The following ZNF704 variants were observed in gnomAD, a reference collection of about 807,000 sequenced individuals.
ZNF704 encodes the protein zinc finger protein 704.
ZNF704 carries 10 observed loss-of-function variants against 44.7 expected under a neutral mutation model. That is an observed-to-expected ratio of 0.22 (90% CI 0.14 to 0.38). The LOEUF (loss-of-function observed/expected upper bound fraction) is 0.38, where lower values mean the gene tolerates loss of function less well. ZNF704 is among the 10% of genes least tolerant of loss of function. The pLI is 1.00. For missense variants in ZNF704, 390 were observed against 545.5 expected (o/e 0.71, Z 2.84); for synonymous variants, 211 against 207.6 (o/e 1.02, Z -0.14).
chr8:80,760,767 T>C (rs913736016), intron 2 of ZNF704, among the ~76,000 whole-genome samples: 1 of 151,850 alleles, frequency 6.6e-6, no homozygotes, highest in African/African-American at 2.4e-5. Context: ...CTGCAGGCTG[T>C]ACAGGAAACA....
intron 8 of ZNF704, among the ~76,000 whole-genome samples, chr8:80,642,159 A>G (rs560386636): frequency 6.6e-6 from 1 of 152,332 alleles, no homozygotes; most frequent in Admixed American, 6.5e-5. Flanking sequence ...TGCAAATAGT[A>G]CAAACCCTAT....
At chr8:80,720,081 C>T (rs773305408) in intron 2 of ZNF704, among the ~76,000 whole-genome samples, 1 of 152,236 alleles carries the variant, frequency 6.6e-6, no homozygotes, top group Non-Finnish European at 1.5e-5. Context: ...AGTCTGTCTG[C>T]CTGCCTCTAA....
Position 80,641,148 on chromosome 8 carries a change from C to T in ZNF704, c.*218G>A, listed in dbSNP as rs754323952. ...GGAAAAAAAACTAGTTATAGCTGCTCCAAGCTGGGTTCTCAGTAAGAGCAA... is the reference window on the plus strand; with the variant it reads ...GGAAAAAAAACTAGTTATAGCTGCTTCAAGCTGGGTTCTCAGTAAGAGCAA... On this transcript the variant is annotated 3_prime_UTR_variant, in exon 9 of 9. Coordinates refer to ENST00000327835, the MANE Select transcript of ZNF704 (RefSeq NM_001033723.3). 1.3e-5 allele frequency: 5 copies of T among 378,626 alleles called. No homozygotes were observed. Among genetic ancestry groups the T allele is most frequent in the Non-Finnish European group, 9.4e-6 (2 of 212,486 alleles). 23.5% of individuals were successfully genotyped at this position (378,626 alleles called of 1,614,324 possible).
At chr8:80,788,795 C>CT (rs914983235) in intron 2 of ZNF704, among the ~76,000 whole-genome samples, 3 of 152,112 alleles carry the variant, frequency 2.0e-5, no homozygotes, top group Admixed American at 6.6e-5. Flanking sequence ...TTAAGCCACT[C>CT]TTTAGTCAGG....
At chr8:80,649,912 C>T (rs1300888910) in intron 7 of ZNF704, among the ~76,000 whole-genome samples, 1 of 152,188 alleles carries the variant, frequency 6.6e-6, no homozygotes, top group Non-Finnish European at 1.5e-5. Flanking sequence ...GAGGCATCCC[C>T]CAGTAGGGGC....
intron 2 of ZNF704, among the ~76,000 whole-genome samples, chr8:80,711,886 T>C (rs1432675133): frequency 2.0e-5 from 3 of 152,208 alleles, no homozygotes; most frequent in Non-Finnish European, 4.4e-5. Flanking sequence ...TGCATAACTA[T>C]AGTATCTAGC....
chr8:80,765,135 T>TG (rs947247682), intron 2 of ZNF704, among the ~76,000 whole-genome samples: 5 of 152,056 alleles, frequency 3.3e-5, no homozygotes, highest in African/African-American at 1.2e-4. Context: ...CCTCAGGCCT[T>TG]GGGGGGGCCA....
At chr8:80,774,173 C>T (rs1394332889) in intron 2 of ZNF704, among the ~76,000 whole-genome samples, 1 of 152,012 alleles carries the variant, frequency 6.6e-6, no homozygotes, top group Non-Finnish European at 1.5e-5. Context: ...AAGTGATCCT[C>T]CCATCTCAGC....
intron 2 of ZNF704, among the ~76,000 whole-genome samples, chr8:80,701,664 A>G (rs930212156): frequency 1.3e-5 from 2 of 152,228 alleles, no homozygotes; most frequent in Non-Finnish European, 2.9e-5. Context: ...AGAGGAGTCC[A>G]GTGATTACAG....
chr8:80,858,671 C>T (rs547850007), intron 1 of ZNF704, among the ~76,000 whole-genome samples: 2 of 150,890 alleles, frequency 1.3e-5, no homozygotes, highest in African/African-American at 2.5e-5. Flanking sequence ...GGCAACACAG[C>T]GAGATTCTGT....
At chr8:80,849,655 G>T (rs1308747053) in intron 1 of ZNF704, among the ~76,000 whole-genome samples, 1 of 152,144 alleles carries the variant, frequency 6.6e-6, no homozygotes, top group Non-Finnish European at 1.5e-5. Context: ...TATACATCAG[G>T]CTGACTCAAT....
In ZNF704 at chr8:80,634,819, T is replaced by C. The variant is rs188768730; in HGVS notation, c.*6547A>G. On this transcript the variant is annotated 3_prime_UTR_variant, in exon 9 of 9. Transcript: ENST00000327835. ...CTCCTATATAGAATTAGGAATCTTT[T>C]GGAAATGAGACTCATTGGGTTCAAA... The C allele has an allele frequency of 2.4e-3, 372 of 152,310 alleles. 4 individuals carry two copies. The highest frequency in any genetic ancestry group is 8.6e-3 in the African/African-American group (359 of 41,550). 9.4% of individuals were successfully genotyped at this position (152,310 alleles called of 1,614,324 possible).
At chr8:80,664,312 C>T (rs528779780) in intron 6 of ZNF704, among the ~76,000 whole-genome samples, 87 of 146,772 alleles carry the variant, frequency 5.9e-4, no homozygotes, top group Non-Finnish European at 1.1e-3. Flanking sequence ...TTTCTTGTTG[C>T]CCAGGCTGGA....
chr8:80,777,708 G>A (rs1417986271), intron 2 of ZNF704, among the ~76,000 whole-genome samples: 7 of 151,800 alleles, frequency 4.6e-5, no homozygotes, highest in African/African-American at 9.7e-5. Flanking sequence ...GCAAAATCCC[G>A]TCTCTACTAG....
intron 1 of ZNF704, among the ~76,000 whole-genome samples, chr8:80,837,113 TC>T (rs1441517310): frequency 6.6e-6 from 1 of 152,152 alleles, no homozygotes; most frequent in Non-Finnish European, 1.5e-5. Context: ...GATGCCAAGT[TC>T]CTAGGGCTGC....
intron 2 of ZNF704, among the ~76,000 whole-genome samples, chr8:80,781,118 T>C (rs746867789): frequency 2.0e-4 from 30 of 152,312 alleles, no homozygotes; most frequent in Middle Eastern, 3.4e-3. Context: ...TGTCTCACTG[T>C]TCGCCTAGGG....
intron 2 of ZNF704, among the ~76,000 whole-genome samples, chr8:80,762,115 A>G (rs1270047979): frequency 2.0e-5 from 3 of 152,260 alleles, no homozygotes; most frequent in Non-Finnish European, 4.4e-5. Context: ...GCCAAAAAAA[A>G]GCATAAAATG....
chr8:80,670,612 G>C lies in ZNF704; in HGVS notation c.559-9C>G, dbSNP rs777348992. Reference sequence around the variant, plus strand: ...ATCACCTTCATGGAATTCTGTAAAGGGGAGAGAGTGATATTAGAATGGAAA... The same window carrying C: ...ATCACCTTCATGGAATTCTGTAAAGCGGAGAGAGTGATATTAGAATGGAAA... On this transcript the variant is annotated splice_polypyrimidine_tract_variant and intron_variant, in intron 4 of 8. Transcript: ENST00000327835. 2.7e-5 allele frequency: 42 copies of C among 1,565,694 alleles called. 1 individual carries two copies. In the Admixed American group the frequency reaches 6.0e-4, roughly 22 times the overall value.
chr8:80,791,198 T>G (rs1292776633), intron 2 of ZNF704, among the ~76,000 whole-genome samples: 1 of 152,134 alleles, frequency 6.6e-6, no homozygotes, highest in Non-Finnish European at 1.5e-5. Context: ...AAAGGATATT[T>G]TCCAGGCACA....
Sources: gnomAD v4.1 joint callset for allele counts (sites outside exome capture counted in the v4.1 genomes callset) on GRCh38, gnomAD v4.1.1 for gene constraint, MANE v1.5 for transcripts, NCBI Gene and HGNC (gene_info 2026-07-23, HGNC 2026-07-21) for gene names.